Variants in ANXA1 observed in about 807,000 individuals in gnomAD.
ANXA1 encodes the protein annexin A1.
Under a neutral mutation model 47.9 loss-of-function variants are expected in ANXA1, and 39 were observed. The observed-to-expected ratio is 0.81, with a 90% confidence interval of 0.63 to 1.06. ANXA1 has a LOEUF of 1.06. ANXA1 is among the 50% of genes least tolerant of loss of function. The probability of loss-of-function intolerance (pLI) is 0.00; values close to 1 mark genes in which losing one functional copy is unlikely to be tolerated. For synonymous variants in ANXA1, 146 were observed against 142.5 expected (o/e 1.02, Z -0.17); for missense variants, 446 against 422.7 (o/e 1.06, Z -0.48).
At chr9:73,163,259 A>C in intron 7 of ANXA1, among the ~76,000 whole-genome samples, 1 of 152,096 alleles carries the variant, frequency 6.6e-6, no homozygotes, top group East Asian at 1.9e-4. Context: ...TCTAGGCCCC[A>C]CCTTTAACAC....
At chr9:73,164,310 A>G (rs943523236) in intron 8 of ANXA1, among the ~76,000 whole-genome samples, 5 of 152,156 alleles carry the variant, frequency 3.3e-5, no homozygotes, top group Non-Finnish European at 5.9e-5. Flanking sequence ...TACATATCAG[A>G]TCAATTTGCT....
intron 6 of ANXA1, 96 bp downstream of exon 6, chr9:73,160,989 T>C: frequency 1.3e-6 from 1 of 789,258 alleles, no homozygotes; most frequent in Admixed American, 2.4e-5. Flanking sequence ...TATGGCAGCT[T>C]TGGAATCTCC....
rs750252865 is a variant in ANXA1 at position 73,160,810 on chromosome 9, G to A, written c.392G>A (p.Gly131Glu). 43 of 1,610,046 alleles carry A rather than the reference G, an allele frequency of 2.7e-5. No homozygotes were observed. Among genetic ancestry groups the A allele is most frequent in the Non-Finnish European group, 3.5e-5 (41 of 1,177,128 alleles). ...DELRAAMKGL[G>E]TDEDTLIEIL... Reference sequence around the variant, plus strand: ...TCTTCTCTTCAAATTTAGGGCCTTGGAACTGATGAAGATACTCTAATTGAG... The same window carrying A: ...TCTTCTCTTCAAATTTAGGGCCTTGAAACTGATGAAGATACTCTAATTGAG... The change falls in exon 6 of 13, where the codon GGA becomes GAA. Residue 131 changes from glycine to glutamate, a missense_variant. By Grantham distance (98) the Gly-to-Glu change is moderately conservative (BLOSUM62 -2). Coordinates refer to ENST00000257497, the MANE Select transcript of ANXA1 (RefSeq NM_000700.3).
chr9:73,159,391 A>T lies in ANXA1; in HGVS notation c.238A>T (p.Ile80Phe). ...TKRNNAQRQQ[I>F]KAAYLQETGK... ...GCGAAACAATGCACAGCGTCAACAG[A>T]TCAAAGCAGCATATCTCCAGGAAAC... Residue 80 changes from isoleucine (I) to phenylalanine (F), a missense_variant, in exon 4 of 13, where the codon ATC becomes TTC. Ile to Phe is a conservative substitution (Grantham distance 21, BLOSUM62 0). Coordinates refer to ENST00000257497, the MANE Select transcript of ANXA1 (RefSeq NM_000700.3). 1 of 1,613,326 alleles carries T rather than the reference A, an allele frequency of 6.2e-7. No homozygotes were observed. Among genetic ancestry groups the T allele is most frequent in the Non-Finnish European group, 8.5e-7 (1 of 1,179,466 alleles).
At chr9:73,158,461 G>A in intron 1 of ANXA1, 61 bp from the exon 2 acceptor site, 4 of 1,285,082 alleles carry the variant, frequency 3.1e-6, no homozygotes, top group Non-Finnish European at 4.5e-6. Flanking sequence ...AAGAGGTGAG[G>A]AAGGAGAGGT....
intron 3 of ANXA1, among the ~76,000 whole-genome samples, 188 bp from the exon 4 acceptor site, chr9:73,159,141 G>A (rs562548118): frequency 2.0e-5 from 3 of 152,242 alleles, no homozygotes; most frequent in East Asian, 1.9e-4. Context: ...TTTCTCACTC[G>A]AATGAAATGT....
At chr9:73,168,926 C>A in intron 11 of ANXA1, 106 bp from the exon 12 acceptor site, 4 of 897,614 alleles carry the variant, frequency 4.5e-6, no homozygotes, top group Non-Finnish European at 4.9e-6. Context: ...GCTAGTTTCT[C>A]TATAGAAATT....
chr9:73,167,770 C>G (rs1179537722), intron 11 of ANXA1: 1 of 483,526 alleles, frequency 2.1e-6, no homozygotes, highest in Non-Finnish European at 3.7e-6. Context: ...TAAAGTGAGC[C>G]TGTAAGTGAT....
At position 73,169,078 on chromosome 9, in the gene ANXA1, G is replaced by A. The variant is rs776755767; in HGVS notation, c.908G>A (p.Arg303His). 13 of 1,613,370 alleles carry A rather than the reference G, an allele frequency of 8.1e-6. No individual in the cohort carries two copies. The highest frequency in any genetic ancestry group is 2.2e-5 in the East Asian group (1 of 44,832). Reference sequence around the variant, plus strand: ...GCATTGATCAGGATTATGGTTTCCCGTTCTGAAATTGACATGAATGATATC... The same window carrying A: ...GCATTGATCAGGATTATGGTTTCCCATTCTGAAATTGACATGAATGATATC... ...HKALIRIMVS[R>H]SEIDMNDIKA... The change falls in exon 12 of 13, where the codon CGT becomes CAT. Residue 303 changes from arginine (R) to histidine (H), a missense_variant. Transcript: ENST00000257497.
intron 1 of ANXA1, among the ~76,000 whole-genome samples, chr9:73,153,798 AC>A (rs1382936504): frequency 6.6e-6 from 1 of 152,230 alleles, no homozygotes; most frequent in Non-Finnish European, 1.5e-5. Context: ...GATTGGAAGT[AC>A]ATACATAATG....
chr9:73,169,666 T>C (rs1824291280), intron 12 of ANXA1, among the ~76,000 whole-genome samples: 1 of 152,122 alleles, frequency 6.6e-6, no homozygotes, highest in Non-Finnish European at 1.5e-5. Flanking sequence ...ATAACTAAAA[T>C]CTACCCAGAA....
rs368918336 is a variant in ANXA1 at position 73,167,574 on chromosome 9, A to G, written c.861+19A>G. On this transcript the variant is annotated intron_variant, in intron 11 of 12. Transcript: ENST00000257497. ...CATGAAAGTATGTACCATTCTACTTATATGTCCTGCTTAGAGGAAGAATTA... is the reference window on the plus strand; with the variant it reads ...CATGAAAGTATGTACCATTCTACTTGTATGTCCTGCTTAGAGGAAGAATTA... 2.2e-5 allele frequency: 35 copies of G among 1,606,556 alleles called. No individual in the cohort carries two copies. The highest frequency in any genetic ancestry group is 3.4e-5 in the Admixed American group (2 of 58,806).
In ANXA1 at chr9:73,169,156, T is replaced by C; in HGVS notation, c.984+2T>C. On this transcript the variant is annotated splice_donor_variant, in intron 12 of 12. Transcript: ENST00000257497. LOFTEE classifies it high-confidence loss of function. The stretch of plus-strand genomic sequence containing the variant: ...ATCTCCCTTTGCCAAGCCATCCTGG[T>C]ATGTTTTGATTCCTCTAATGCCATC... 6.2e-7 allele frequency: 1 copy of C among 1,607,054 alleles called. No homozygotes were observed. Among genetic ancestry groups the C allele is most frequent in the Admixed American group, 1.7e-5 (1 of 58,744 alleles).
chr9:73,167,517 C>T lies in ANXA1; in HGVS notation c.823C>T (p.Pro275Ser). 6.2e-7 allele frequency: 1 copy of T among 1,613,442 alleles called. No homozygotes were observed. The highest frequency in any genetic ancestry group is 1.7e-4 in the Middle Eastern group (1 of 6,044). The change falls in exon 11 of 13, where the codon CCA (proline) becomes TCA (serine). Residue 275 changes from proline to serine, a missense_variant. Physicochemically the swap from Pro to Ser is moderately conservative, Grantham distance 74. Transcript: ENST00000257497. Reference protein sequence around the residue: ...TAIVKCATSKPAFFAEKLHQA... With the variant: ...TAIVKCATSKSAFFAEKLHQA... ...AACAGTGAAGTGCGCCACAAGCAAA[C>T]CAGCTTTCTTTGCAGAGAAGCTTCA...
At chr9:73,156,953 T>C (rs1824057497) in intron 1 of ANXA1, among the ~76,000 whole-genome samples, 1 of 152,190 alleles carries the variant, frequency 6.6e-6, no homozygotes, top group African/African-American at 2.4e-5. Flanking sequence ...CACATTAATT[T>C]TCAATATACT....
chr9:73,167,734 G>A (rs1824257071), intron 11 of ANXA1, 179 bp downstream of exon 11: 12 of 582,220 alleles, frequency 2.1e-5, no homozygotes, highest in East Asian at 3.0e-5. Flanking sequence ...TGTTAGATTC[G>A]GTGCTTTTTT....
chr9:73,158,465 G>T (rs1824084027), intron 1 of ANXA1, 57 bp from the exon 2 acceptor site: 2 of 1,325,542 alleles, frequency 1.5e-6, no homozygotes. Context: ...GGTGAGGAAG[G>T]AGAGGTTGTG....
chr9:73,167,559 T>C lies in ANXA1; in HGVS notation c.861+4T>C, dbSNP rs748513926. On this transcript the variant is annotated splice_donor_region_variant and intron_variant, in intron 11 of 12. Coordinates refer to ENST00000257497, the MANE Select transcript of ANXA1 (RefSeq NM_000700.3). ...GAAGCTTCATCAAGCCATGAAAGTA[T>C]GTACCATTCTACTTATATGTCCTGC... The C allele has an allele frequency of 2.5e-6, 4 of 1,613,062 alleles. No homozygotes were observed. Among genetic ancestry groups the C allele is most frequent in the Admixed American group, 3.3e-5 (2 of 59,988 alleles).
intron 6 of ANXA1, among the ~76,000 whole-genome samples, chr9:73,161,145 A>G (rs1824136406): frequency 6.6e-6 from 1 of 152,148 alleles, no homozygotes; most frequent in Admixed American, 6.6e-5. Flanking sequence ...TTCCTCTAGG[A>G]TAAATGGCCA....
Sources: allele counts gnomAD v4.1 joint callset (sites outside exome capture counted in the v4.1 genomes callset), GRCh38; gene constraint gnomAD v4.1.1; transcripts MANE v1.5; gene names NCBI Gene and HGNC (gene_info 2026-07-23, HGNC 2026-07-21).